The following PDILT variants were observed in gnomAD, a reference collection of about 807,000 sequenced individuals.
PDILT encodes protein disulfide isomerase like, testis expressed.
PDILT carries 43 observed loss-of-function variants against 53.7 expected under a neutral mutation model. That is an observed-to-expected ratio of 0.80 (90% CI 0.63 to 1.03). PDILT has a LOEUF of 1.03. Ranked by LOEUF, PDILT falls within the 50% of genes least tolerant of loss-of-function variation. PDILT has a pLI of 0.00. For missense variants in PDILT, 727 were observed against 712.3 expected (o/e 1.02, Z -0.24); for synonymous variants, 282 against 274.2 (o/e 1.03, Z -0.28).
intron 2 of PDILT, among the ~76,000 whole-genome samples, chr16:20,391,337 A>G (rs1041839227): frequency 4.0e-5 from 6 of 151,694 alleles, no homozygotes; most frequent in Non-Finnish European, 7.4e-5. Context: ...AATCATTACC[A>G]TCACCATCAT....
At chr16:20,392,721 A>G (rs11641045) in intron 2 of PDILT, among the ~76,000 whole-genome samples, 23,304 of 152,162 alleles carry the variant, frequency 0.15, 2,281 homozygotes, top group African/African-American at 0.28. Context: ...CACTGCTTTG[A>G]AATACCTGCT....
chr16:20,397,406 G>T (rs2141622105), intron 2 of PDILT, among the ~76,000 whole-genome samples: 1 of 152,264 alleles, frequency 6.6e-6, no homozygotes, highest in African/African-American at 2.4e-5. Context: ...GCCTCCCAAA[G>T]TGCCAGGGTT....
chr16:20,367,087 CTTTCTTTCT>C, intron 8 of PDILT, among the ~76,000 whole-genome samples: 1 of 103,438 alleles, frequency 9.7e-6, no homozygotes, highest in South Asian at 2.9e-4. Context: ...TTCTTTCTTT[CTTTCTTTCT>C]TTCTTTCTTC....
intron 8 of PDILT, among the ~76,000 whole-genome samples, chr16:20,367,936 G>C (rs2141707229): frequency 6.6e-6 from 1 of 152,226 alleles, no homozygotes; most frequent in Non-Finnish European, 1.5e-5. Flanking sequence ...AGTACTATGG[G>C]GTATACAGGA....
chr16:20,388,370 G>C (rs1966566342), intron 2 of PDILT, among the ~76,000 whole-genome samples: 1 of 152,196 alleles, frequency 6.6e-6, no homozygotes, highest in South Asian at 2.1e-4. Context: ...TGGAAACCCA[G>C]AGGTCTTACA....
intron 2 of PDILT, among the ~76,000 whole-genome samples, chr16:20,391,432 C>T (rs1251950169): frequency 6.6e-6 from 1 of 152,132 alleles, no homozygotes; most frequent in Non-Finnish European, 1.5e-5. Flanking sequence ...ATCATCTAAC[C>T]TACTCCTAGG....
Position 20,369,377 on chromosome 16 carries a change from G to T in PDILT, c.1116+115C>A, listed in dbSNP as rs575161990. The T allele has an allele frequency of 9.9e-6, 12 of 1,211,394 alleles. No individual in the cohort carries two copies. In the South Asian group the frequency reaches 1.1e-4, roughly 11 times the overall value. The allele number at this position is 1,211,394 out of a possible 1,614,324, so 75.0% of individuals were successfully genotyped here. A position where few individuals can be genotyped will look rare whatever the true frequency, so the allele number is the denominator to read the frequency against. ...GGATTTCCCCACATTGAGCCACAAA[G>T]TTGATCTTTATTCTGCCTCCACATA... On this transcript the variant is annotated intron_variant, in intron 8 of 11. Transcript: ENST00000302451.
chr16:20,374,160 C>T (rs909743678), intron 5 of PDILT, among the ~76,000 whole-genome samples: 16 of 151,284 alleles, frequency 1.1e-4, no homozygotes, highest in South Asian at 2.1e-4. Flanking sequence ...AGGCTGGTCT[C>T]GAACCCTAGG....
At position 20,360,676 on chromosome 16, in the gene PDILT, A is replaced by C. The variant is rs1264716449; in HGVS notation, c.1417-19T>G. 5 of 1,576,892 alleles carry C rather than the reference A, an allele frequency of 3.2e-6. No homozygotes were observed. In the African/African-American group the frequency reaches 6.8e-5, roughly 21 times the overall value. On this transcript the variant is annotated intron_variant, in intron 10 of 11. Transcript: ENST00000302451. ...GGACAGCCTAGGATGAAAATGGAACAGGGTCAGGATGGGATCCTCTTCCCG... is the reference window on the plus strand; with the variant it reads ...GGACAGCCTAGGATGAAAATGGAACCGGGTCAGGATGGGATCCTCTTCCCG...
intron 3 of PDILT, among the ~76,000 whole-genome samples, chr16:20,381,737 C>T (rs1041015878): frequency 6.6e-6 from 1 of 152,002 alleles, no homozygotes; most frequent in Non-Finnish European, 1.5e-5. Context: ...CATCCTCAAT[C>T]CCTGTCCCAG....
chr16:20,400,066 A>C (rs9929300), intron 1 of PDILT, among the ~76,000 whole-genome samples: 44,589 of 127,348 alleles, frequency 0.35, 7,320 homozygotes, highest in Admixed American at 0.42. Flanking sequence ...ATATATATAT[A>C]TATATATTTT....
At chr16:20,365,389 T>A (rs780331318) in intron 9 of PDILT, 31 bp downstream of exon 9, 14 of 1,610,438 alleles carry the variant, frequency 8.7e-6, no homozygotes, top group Admixed American at 1.7e-5. Context: ...TTGGCACCCG[T>A]TGCCTCAGAA....
At position 20,395,661 on chromosome 16, in the gene PDILT, T is replaced by C. The variant is rs116536760; in HGVS notation, c.202+3438A>G. Among the ~76,000 whole-genome samples, 1,195 of 152,266 alleles carry C rather than the reference T, an allele frequency of 7.8e-3. 20 individuals are homozygous for C. The highest frequency in any genetic ancestry group is 0.026 in the African/African-American group (1,100 of 41,546). On this transcript the variant is annotated intron_variant, in intron 2 of 11. Coordinates refer to ENST00000302451, the MANE Select transcript of PDILT (RefSeq NM_174924.2). ...CATGTTGAAATTTGTTCCCCAGTGT[T>C]AGAGTGGGGCCTAATAGGAGGTGTT...
rs981168021 is a variant in PDILT, at chr16:20,367,749, ACT to A, written c.1116+1741_1116+1742del. On this transcript the variant is annotated intron_variant, in intron 8 of 11. Transcript: ENST00000302451. ...GGGAATGGGATATGAGGAGAGAGAG[ACT>A]CTGAGATTTAAAAATGAACACACTA... Among the ~76,000 whole-genome samples the A allele has an allele frequency of 6.1e-4, 93 of 151,908 alleles. 1 individual carries two copies. In the Middle Eastern group the frequency reaches 0.017, roughly 28 times the overall value.
chr16:20,384,972 G>A, intron 2 of PDILT, 121 bp from the exon 3 acceptor site: 1 of 882,542 alleles, frequency 1.1e-6, no homozygotes, highest in African/African-American at 1.7e-5. Flanking sequence ...GTTAATGGCT[G>A]AATTTTCATA....
intron 1 of PDILT, among the ~76,000 whole-genome samples, chr16:20,404,155 G>A (rs558889542): frequency 6.6e-6 from 1 of 152,282 alleles, no homozygotes; most frequent in East Asian, 1.9e-4. Flanking sequence ...ATGAATGTTT[G>A]TTGAATGAAT....
intron 5 of PDILT, among the ~76,000 whole-genome samples, chr16:20,374,401 G>C (rs976880743): frequency 1.3e-5 from 2 of 152,094 alleles, no homozygotes; most frequent in African/African-American, 2.4e-5. Context: ...AAAACACTGG[G>C]AGAGGACCTG....
At chr16:20,379,617 G>A (rs1490881202) in intron 3 of PDILT, among the ~76,000 whole-genome samples, 1 of 152,170 alleles carries the variant, frequency 6.6e-6, no homozygotes, top group African/African-American at 2.4e-5. Context: ...GCCCGGCTGG[G>A]GCTATTCTGA....
At chr16:20,383,068 G>A (rs1392769036) in intron 3 of PDILT, among the ~76,000 whole-genome samples, 1 of 152,204 alleles carries the variant, frequency 6.6e-6, no homozygotes, top group Non-Finnish European at 1.5e-5. Context: ...TGATGATGAA[G>A]CTTCCTGTAT....
Sources: allele counts gnomAD v4.1 joint callset (sites outside exome capture counted in the v4.1 genomes callset), GRCh38; gene constraint gnomAD v4.1.1; transcripts MANE v1.5; gene names NCBI Gene and HGNC (gene_info 2026-07-23, HGNC 2026-07-21).